STAM: variants seen among roughly 807,000 people sequenced by gnomAD.
STAM encodes the protein signal transducing adapter molecule 1.
In STAM, 16 loss-of-function variants were observed where a neutral mutation model predicts 63.4. The observed-to-expected ratio is 0.25, with a 90% CI of 0.17 to 0.38. The LOEUF (loss-of-function observed/expected upper bound fraction) is 0.38, where lower values mean the gene tolerates loss of function less well. Ranked by LOEUF, STAM falls within the 10% of genes least tolerant of loss-of-function variation. The pLI, the probability that STAM is intolerant of heterozygous loss-of-function variation, is 1.00. For synonymous variants in STAM, 238 were observed against 223.9 expected (o/e 1.06, Z -0.56); for missense variants, 636 against 657.1 (o/e 0.97, Z 0.35).
intron 12 of STAM, among the ~76,000 whole-genome samples, chr10:17,707,879 GTT>G (rs782290174): frequency 1.4e-5 from 2 of 139,430 alleles, no homozygotes; most frequent in African/African-American, 2.6e-5. Context: ...CCTGTTGCCT[GTT>G]TTTTTTTTTT....
At chr10:17,651,985 A>T (rs1554821615) in intron 1 of STAM, among the ~76,000 whole-genome samples, 1 of 152,210 alleles carries the variant, frequency 6.6e-6, no homozygotes, top group African/African-American at 2.4e-5. Flanking sequence ...AAGACTATTG[A>T]AATTCAAATG....
In STAM at chr10:17,693,744, A is replaced by AT. The variant is rs1210553040; in HGVS notation, c.535+441dup. Among the ~76,000 whole-genome samples, 159 of 151,434 alleles carry AT rather than the reference A, an allele frequency of 1.0e-3. 2 individuals carry two copies. Among genetic ancestry groups the AT allele is most frequent in the South Asian group, 2.1e-3 (10 of 4,770 alleles). On this transcript the variant is annotated intron_variant, in intron 6 of 13. Coordinates refer to ENST00000377524, the MANE Select transcript of STAM (RefSeq NM_003473.4). ...CTGATGGACCTGTGGATTATTTCTG[A>AT]TTTTTTTTTACTAAAATTAAGCTGC...
chr10:17,671,872 G>T (rs1381856812), intron 2 of STAM, among the ~76,000 whole-genome samples: 2 of 151,954 alleles, frequency 1.3e-5, no homozygotes, highest in African/African-American at 4.8e-5. Flanking sequence ...AAAGTTGATT[G>T]GTCTAAAAAT....
Position 17,689,490 on chromosome 10 carries a change from G to T in STAM, c.444+1317G>T, listed in dbSNP as rs373786637. Among the ~76,000 whole-genome samples, 39 of 152,056 alleles carry T rather than the reference G, an allele frequency of 2.6e-4. No individual in the cohort carries two copies. The East Asian group carries it at 7.0e-3, about 27-fold the overall frequency. ...ACATTCTTCTTCTTAAAAAAATTTTGGTTTAAAATTTTCTTAAAAAAATTA... is the reference window on the plus strand; with the variant it reads ...ACATTCTTCTTCTTAAAAAAATTTTTGTTTAAAATTTTCTTAAAAAAATTA... On this transcript the variant is annotated intron_variant, in intron 5 of 13. Transcript: ENST00000377524.
intron 4 of STAM, among the ~76,000 whole-genome samples, chr10:17,685,460 G>A (rs1554825961): frequency 1.3e-5 from 2 of 152,174 alleles, no homozygotes; most frequent in Admixed American, 6.5e-5. Flanking sequence ...TCCAGATAGG[G>A]CCAGATGAGA....
intron 9 of STAM, among the ~76,000 whole-genome samples, chr10:17,703,331 GTT>G (rs35796286): frequency 2.9e-5 from 4 of 140,154 alleles, no homozygotes; most frequent in Non-Finnish European, 4.7e-5. Context: ...CTTGGGAAGA[GTT>G]TTTTTTTTTT....
chr10:17,667,308 A>G (rs1224095138), intron 2 of STAM, among the ~76,000 whole-genome samples: 1 of 152,072 alleles, frequency 6.6e-6, no homozygotes, highest in East Asian at 1.9e-4. Flanking sequence ...TATTTTTAGT[A>G]GACATGGGGT....
chr10:17,675,421 T>C (rs1428332473), intron 2 of STAM, among the ~76,000 whole-genome samples: 1 of 151,812 alleles, frequency 6.6e-6, no homozygotes, highest in African/African-American at 2.4e-5. Context: ...GGAGAATTGC[T>C]TGAACCCGGG....
chr10:17,705,105 C>A, intron 11 of STAM, 81 bp downstream of exon 11: 1 of 1,192,070 alleles, frequency 8.4e-7, no homozygotes, highest in Middle Eastern at 2.0e-4. Flanking sequence ...CTATAACTGC[C>A]TTTTAAAAAA....
intron 2 of STAM, among the ~76,000 whole-genome samples, chr10:17,669,377 T>A (rs1426866450): frequency 1.3e-5 from 2 of 150,352 alleles, no homozygotes; most frequent in Non-Finnish European, 3.0e-5. Flanking sequence ...TTTCCGGAAA[T>A]GTTGTTTTAG....
intron 12 of STAM, 72 bp downstream of exon 12, chr10:17,705,813 A>T (rs10904996): frequency 1.4e-6 from 2 of 1,467,236 alleles, no homozygotes; most frequent in East Asian, 4.7e-5. Flanking sequence ...CATGCCTGTA[A>T]TCTCAGCAAT....
chr10:17,654,214 G>GTTATTATTA (rs60228856), intron 1 of STAM, among the ~76,000 whole-genome samples: 1 of 150,810 alleles, frequency 6.6e-6, no homozygotes, highest in Non-Finnish European at 1.5e-5. Context: ...AGGTATTATT[G>GTTATTATTA]TTATTATTAT....
At chr10:17,697,925 G>A (rs886284610) in intron 8 of STAM, among the ~76,000 whole-genome samples, 2 of 151,842 alleles carry the variant, frequency 1.3e-5, no homozygotes, top group African/African-American at 4.8e-5. Flanking sequence ...TAGTTTATAA[G>A]AATTTTAAGA....
At chr10:17,680,225 C>CAT in intron 2 of STAM, among the ~76,000 whole-genome samples, 1 of 151,834 alleles carries the variant, frequency 6.6e-6, no homozygotes, top group Non-Finnish European at 1.5e-5. Context: ...ATAAACATAG[C>CAT]ATAAAATTTA....
intron 6 of STAM, among the ~76,000 whole-genome samples, chr10:17,693,872 A>C (rs1313550342): frequency 6.7e-6 from 1 of 150,350 alleles, no homozygotes; most frequent in Non-Finnish European, 1.5e-5. Flanking sequence ...GTACATCTTC[A>C]GTTTTGTTAA....
intron 2 of STAM, among the ~76,000 whole-genome samples, chr10:17,670,334 A>G (rs1834585185): frequency 6.6e-6 from 1 of 152,246 alleles, no homozygotes; most frequent in Admixed American, 6.5e-5. Context: ...TGAGAAAACT[A>G]AAGCCCTGAG....
chr10:17,692,681 T>A (rs1449397059), intron 5 of STAM, among the ~76,000 whole-genome samples: 2 of 152,200 alleles, frequency 1.3e-5, no homozygotes, highest in East Asian at 3.8e-4. Flanking sequence ...GGCAGTGATA[T>A]ACTGTCAGAA....
At chr10:17,680,226 A>T (rs1554825137) in intron 2 of STAM, among the ~76,000 whole-genome samples, 2 of 151,902 alleles carry the variant, frequency 1.3e-5, no homozygotes, top group Non-Finnish European at 2.9e-5. Flanking sequence ...TAAACATAGC[A>T]TAAAATTTAC....
rs1223509007 is a variant in STAM at position 17,659,463 on chromosome 10, CTTT to C, written c.41-981_41-979del. Among the ~76,000 whole-genome samples, 452 of 107,516 alleles carry C rather than the reference CTTT, an allele frequency of 4.2e-3. 4 individuals are homozygous for C. The highest frequency in any genetic ancestry group is 0.016 in the African/African-American group (438 of 27,434). The allele number at this position is 107,516 out of a possible 152,430, so 70.5% of individuals were successfully genotyped here. On this transcript the variant is annotated intron_variant, in intron 1 of 13. Transcript: ENST00000377524. ...GGTATTCCATCTTTATTCTCTTCCT[CTTT>C]TTTTTTTTTTTTTTTTTTTAAAGAG...
Sources: gnomAD v4.1 joint callset for allele counts (sites outside exome capture counted in the v4.1 genomes callset) on GRCh38, gnomAD v4.1.1 for gene constraint, MANE v1.5 for transcripts, NCBI Gene and HGNC (gene_info 2026-07-23, HGNC 2026-07-21) for gene names.